Variants in GAK observed in about 807,000 individuals in gnomAD.
The protein encoded by GAK is cyclin G associated kinase.
A neutral mutation model predicts 143.9 loss-of-function variants in GAK; 79 were observed. The ratio of observed to expected loss-of-function variants is 0.55; its 90% CI spans 0.46 to 0.66. The LOEUF (loss-of-function observed/expected upper bound fraction) is 0.66. Among genes scored for constraint, GAK ranks in the 30% least tolerant of loss-of-function variants. GAK has a pLI of 0.00. For missense variants in GAK, 1,693 were observed against 1,779.7 expected, an observed-to-expected ratio of 0.95 and a Z score of 0.88; for synonymous variants, 881 against 765.5, an observed-to-expected ratio of 1.15 and a Z score of -2.49.
At chr4:864,292 T>C (rs1225594789) in intron 23 of GAK, among the ~76,000 whole-genome samples, 1 of 151,666 alleles carries the variant, frequency 6.6e-6, no homozygotes, top group African/African-American at 2.4e-5. Flanking sequence ...GCCCAGGAGG[T>C]CAATGCTGAA....
At chr4:895,017 A>G (rs925862980) in intron 7 of GAK, among the ~76,000 whole-genome samples, 6 of 149,946 alleles carry the variant, frequency 4.0e-5, no homozygotes, top group African/African-American at 1.5e-4. Context: ...AAATAAATAA[A>G]GGTTCCTTTC....
Position 875,380 on chromosome 4 carries a change from G to GA in GAK, c.2054+1149dup, listed in dbSNP as rs748435339. Among the ~76,000 whole-genome samples, 92 of 152,262 alleles carry GA rather than the reference G, an allele frequency of 6.0e-4. 4 individuals are homozygous for GA. Among genetic ancestry groups the GA allele is most frequent in the Non-Finnish European group, 2.5e-4 (17 of 68,052 alleles). On this transcript the variant is annotated intron_variant, in intron 18 of 27. Coordinates refer to ENST00000314167, the MANE Select transcript of GAK (RefSeq NM_005255.4). ...GAATCACAGAGACAGAAAAACACAA[G>GA]AAGACACCCCGGTCTCCCGGTGCAG...
intron 23 of GAK, among the ~76,000 whole-genome samples, chr4:863,194 TC>T (rs1445956823): frequency 6.6e-5 from 10 of 152,200 alleles, no homozygotes; most frequent in Non-Finnish European, 1.3e-4. Context: ...GTGCAGGAAG[TC>T]TCTGCAGATG....
chr4:862,375 G>A (rs1052149419), intron 23 of GAK, among the ~76,000 whole-genome samples: 2 of 152,192 alleles, frequency 1.3e-5, no homozygotes, highest in Admixed American at 6.5e-5. Flanking sequence ...GCTAAGATCC[G>A]GCTGAGATCA....
At chr4:904,434 C>T (rs968692307) in intron 5 of GAK, among the ~76,000 whole-genome samples, 6 of 147,620 alleles carry the variant, frequency 4.1e-5, no homozygotes, top group African/African-American at 1.0e-4. Flanking sequence ...GGCTCCTAAC[C>T]GAGCGGGACC....
chr4:892,238 C>T (rs1378880404), intron 9 of GAK, among the ~76,000 whole-genome samples: 1 of 152,202 alleles, frequency 6.6e-6, no homozygotes, highest in East Asian at 1.9e-4. Flanking sequence ...CGGCTTCCAG[C>T]TACCAGGGAG....
chr4:924,960 G>T (rs1457231736), intron 1 of GAK, among the ~76,000 whole-genome samples: 2 of 152,106 alleles, frequency 1.3e-5, no homozygotes, highest in Non-Finnish European at 2.9e-5. Flanking sequence ...TTGGGTCATG[G>T]GGGTGGAGTT....
intron 7 of GAK, among the ~76,000 whole-genome samples, chr4:895,078 G>A (rs1718517203): frequency 6.6e-6 from 1 of 152,220 alleles, no homozygotes; most frequent in South Asian, 2.1e-4. Flanking sequence ...GAGCTGGTGG[G>A]ACCAGCACAG....
chr4:864,739 C>A (rs898705597), intron 23 of GAK, among the ~76,000 whole-genome samples: 3 of 152,176 alleles, frequency 2.0e-5, no homozygotes, highest in Non-Finnish European at 2.9e-5. Context: ...CAGTCACAAA[C>A]CCCTTCAGGA....
At chr4:910,705 G>C (rs1721894726) in intron 4 of GAK, among the ~76,000 whole-genome samples, 1 of 152,038 alleles carries the variant, frequency 6.6e-6, no homozygotes, top group Non-Finnish European at 1.5e-5. Context: ...CCCTGCCTCA[G>C]TCTCCCCTGC....
Position 896,560 on chromosome 4 carries a change from A to G in GAK, c.652-11T>C. 3 of 1,599,950 alleles carry G rather than the reference A, an allele frequency of 1.9e-6. No individual in the cohort carries two copies. The highest frequency in any genetic ancestry group is 2.6e-6 in the Non-Finnish European group (3 of 1,167,130). On this transcript the variant is annotated splice_polypyrimidine_tract_variant and intron_variant, in intron 6 of 27. Transcript: ENST00000314167. ...TGTATTCCTCGTGATCTGAAAAAAT[A>G]CAAACATTTCAAAGGAAAAGTTGCA...
chr4:856,191 CCACAGCTGCTCACACCTGCT>C (rs1454037909), intron 24 of GAK, among the ~76,000 whole-genome samples: 1 of 150,610 alleles, frequency 6.6e-6, no homozygotes, highest in East Asian at 2.0e-4. Context: ...CACCTGCTCA[CCACAGCTGCTCACACCTGCT>C]CACCACAGCT....
intron 21 of GAK, 87 bp from the exon 22 acceptor site, chr4:866,621 G>C: frequency 6.9e-7 from 1 of 1,440,016 alleles, no homozygotes; most frequent in South Asian, 1.3e-5. Flanking sequence ...CTGCCCAAGA[G>C]GCCACTCCAG....
At chr4:906,561 T>C (rs1721124514) in intron 4 of GAK, among the ~76,000 whole-genome samples, 1 of 152,112 alleles carries the variant, frequency 6.6e-6, no homozygotes, top group Non-Finnish European at 1.5e-5. Flanking sequence ...ACCCAACCCA[T>C]CCTGCTCCTA....
chr4:929,463 G>T (rs1725337413), intron 1 of GAK, among the ~76,000 whole-genome samples: 1 of 152,202 alleles, frequency 6.6e-6, no homozygotes, highest in Admixed American at 6.5e-5. Flanking sequence ...CACTTCAGAA[G>T]CAACGGCACG....
chr4:902,416 GCAACATGGTGAAAC>G (rs990827827), intron 5 of GAK, among the ~76,000 whole-genome samples: 4 of 150,954 alleles, frequency 2.6e-5, no homozygotes, highest in African/African-American at 4.9e-5. Flanking sequence ...ACCAGCTTGG[GCAACATGGTGAAAC>G]CCCATTTCTA....
At chr4:862,478 G>C (rs1007919273) in intron 23 of GAK, among the ~76,000 whole-genome samples, 3 of 152,148 alleles carry the variant, frequency 2.0e-5, no homozygotes, top group Non-Finnish European at 2.9e-5. Context: ...GGCTAACACA[G>C]TGAAACCCCG....
At chr4:862,532 C>A (rs970685733) in intron 23 of GAK, among the ~76,000 whole-genome samples, 11 of 152,004 alleles carry the variant, frequency 7.2e-5, no homozygotes, top group African/African-American at 2.4e-4. Flanking sequence ...GTGGCAGGCG[C>A]CTGTAGTCCC....
chr4:853,662 CAGCCTCCTCCGTGTTCG>C (rs1748600439), intron 24 of GAK: 1 of 152,466 alleles, frequency 6.6e-6, no homozygotes, highest in Admixed American at 6.5e-5. Context: ...ACACACGCTC[CAGCCTCCTCCGTGTTCG>C]GGCCTCCTCC....
Sources: gnomAD v4.1 joint callset for allele counts (sites outside exome capture counted in the v4.1 genomes callset) on GRCh38, gnomAD v4.1.1 for gene constraint, MANE v1.5 for transcripts, NCBI Gene and HGNC (gene_info 2026-07-23, HGNC 2026-07-21) for gene names.